The following MYO5C variants were observed in gnomAD, a reference collection of about 807,000 sequenced individuals.
The protein encoded by MYO5C is myosin VC.
MYO5C carries 194 observed loss-of-function variants against 235.7 expected under a neutral mutation model. The ratio of observed to expected loss-of-function variants is 0.82; its 90% CI spans 0.73 to 0.93. The LOEUF is 0.93. Among genes scored for constraint, MYO5C ranks in the 40% least tolerant of loss-of-function variants. The pLI is 0.00. For missense variants in MYO5C, 2,038 were observed against 2,127.2 expected (o/e 0.96, Z 0.82); for synonymous variants, 707 against 754.8 (o/e 0.94, Z 1.04).
At chr15:52,225,254 G>T in intron 26 of MYO5C, 116 bp from the exon 27 acceptor site, 1 of 1,213,252 alleles carries the variant, frequency 8.2e-7, no homozygotes, top group Non-Finnish European at 1.2e-6. Context: ...TAACTCACCA[G>T]CTATCCAATC....
In MYO5C at chr15:52,272,662, T is replaced by C. The variant is rs777995085; in HGVS notation, c.668A>G (p.Glu223Gly). The change falls in exon 6 of 41, where the codon GAA becomes GGA. Residue 223 changes from glutamate to glycine, a missense_variant. Glu to Gly is a moderately conservative substitution (Grantham distance 98, BLOSUM62 -2). Coordinates refer to ENST00000261839, the MANE Select transcript of MYO5C (RefSeq NM_018728.4). ...DNSSRFGKYT[E>G]ISFDEQNQII... is the part of the protein sequence containing the mutation. ...TTGATTTTGTTCATCAAAACTGATT[T>C]CTGTGTATTTCCCAAACCGACTACT... is the stretch of plus-strand genomic sequence containing the variant. 37 of 1,614,050 alleles carry C rather than the reference T, an allele frequency of 2.3e-5. No homozygotes were observed. Among genetic ancestry groups the C allele is most frequent in the Non-Finnish European group, 3.1e-5 (36 of 1,180,030 alleles).
chr15:52,260,307 G>C (rs182386136), intron 10 of MYO5C, among the ~76,000 whole-genome samples: 10 of 152,204 alleles, frequency 6.6e-5, no homozygotes, highest in East Asian at 3.9e-4. Context: ...ATTGGGGTAG[G>C]GGGGTGGTTG....
At chr15:52,273,729 T>C (rs1228597303) in intron 5 of MYO5C, among the ~76,000 whole-genome samples, 1 of 152,220 alleles carries the variant, frequency 6.6e-6, no homozygotes, top group Non-Finnish European at 1.5e-5. Context: ...ATAAGCCACC[T>C]GGTCAATGAC....
chr15:52,244,621 T>C (rs546643580), intron 18 of MYO5C, 54 bp from the exon 19 acceptor site: 4 of 1,324,636 alleles, frequency 3.0e-6, no homozygotes, highest in African/African-American at 1.5e-5. Flanking sequence ...TTTTCTATAA[T>C]ACAGTATTTG....
intron 36 of MYO5C, 39 bp from the exon 37 acceptor site, chr15:52,206,005 A>G: frequency 7.9e-7 from 1 of 1,257,888 alleles, no homozygotes; most frequent in Non-Finnish European, 1.1e-6. Context: ...AGAATAATAC[A>G]AACATGTAGG....
rs915870742 is a variant in MYO5C, at chr15:52,192,832, A to T, written c.*1070T>A. ...TGCTTTTTCAATCTGAGGTTGTTTT[A>T]AAAAAGTTATTGTATGAAAGGTATT... is the stretch of plus-strand genomic sequence containing the variant. On this transcript the variant is annotated 3_prime_UTR_variant, in exon 41 of 41. Transcript: ENST00000261839. The T allele has an allele frequency of 2.0e-5, 3 of 149,358 alleles. No homozygotes were observed. In the Admixed American group the frequency reaches 2.0e-4, roughly 10 times the overall value. The allele number at this position is 149,358 out of a possible 1,614,324, so 9.3% of individuals were successfully genotyped here.
chr15:52,240,558 A>G (rs1202569691), intron 20 of MYO5C, among the ~76,000 whole-genome samples: 2 of 112,572 alleles, frequency 1.8e-5, no homozygotes, highest in African/African-American at 5.5e-5. Context: ...GAAAAAGAAG[A>G]AAAAAGAAAA....
At chr15:52,285,966 G>A (rs1173470719) in intron 1 of MYO5C, among the ~76,000 whole-genome samples, 1 of 152,010 alleles carries the variant, frequency 6.6e-6, no homozygotes, top group Non-Finnish European at 1.5e-5. Context: ...CTTCCCGGCC[G>A]CCATCCCATC....
rs1050386292 is a variant in MYO5C, at chr15:52,219,758, C to T, written c.3785+1G>A. On this transcript the variant is annotated splice_donor_variant, in intron 31 of 40. Coordinates refer to ENST00000261839, the MANE Select transcript of MYO5C (RefSeq NM_018728.4). LOFTEE classifies it high-confidence loss of function. ...TGAGGTACACACATATTTACACTTA[C>T]TTTCTTTGTGTTCCTTCCTCCTCTT... The T allele has an allele frequency of 1.2e-5, 20 of 1,608,796 alleles. No individual in the cohort carries two copies. Among genetic ancestry groups the T allele is most frequent in the Non-Finnish European group, 8.5e-7 (1 of 1,175,942 alleles).
intron 1 of MYO5C, among the ~76,000 whole-genome samples, chr15:52,291,257 G>A (rs1471908001): frequency 3.9e-5 from 6 of 152,208 alleles, no homozygotes; most frequent in Non-Finnish European, 7.3e-5. Context: ...TTCACCCAGA[G>A]GAAGGTGGCC....
At chr15:52,216,213 T>C (rs935118259) in intron 32 of MYO5C, among the ~76,000 whole-genome samples, 3 of 152,094 alleles carry the variant, frequency 2.0e-5, no homozygotes, top group African/African-American at 7.2e-5. Context: ...TTATTATTAT[T>C]ATTAGTAGTA....
intron 24 of MYO5C, among the ~76,000 whole-genome samples, chr15:52,230,891 A>G (rs1459392428): frequency 2.2e-5 from 3 of 137,970 alleles, no homozygotes; most frequent in Admixed American, 1.5e-4. Flanking sequence ...GCGGTGGTGC[A>G]ATCTCAGCTC....
intron 1 of MYO5C, among the ~76,000 whole-genome samples, chr15:52,291,090 AC>A (rs1387390864): frequency 1.3e-5 from 2 of 152,166 alleles, no homozygotes; most frequent in Non-Finnish European, 2.9e-5. Flanking sequence ...ACTTGATTTG[AC>A]CCACCAGGGG....
At chr15:52,264,427 C>G in intron 8 of MYO5C, 131 bp from the exon 9 acceptor site, 3 of 689,846 alleles carry the variant, frequency 4.3e-6, no homozygotes, top group Non-Finnish European at 4.9e-6. Context: ...TGAAGTGGAC[C>G]CCAGGGGCAT....
chr15:52,257,659 A>G (rs954568446), intron 10 of MYO5C, among the ~76,000 whole-genome samples: 4 of 152,146 alleles, frequency 2.6e-5, no homozygotes, highest in Non-Finnish European at 4.4e-5. Flanking sequence ...ACACAGCCCT[A>G]TGTGAAGGGC....
At chr15:52,199,256 C>T (rs2035128758) in intron 38 of MYO5C, among the ~76,000 whole-genome samples, 1 of 152,134 alleles carries the variant, frequency 6.6e-6, no homozygotes. Flanking sequence ...CTAATTCACC[C>T]TATTCAAATA....
At chr15:52,218,137 C>T (rs1303672762) in intron 32 of MYO5C, among the ~76,000 whole-genome samples, 1 of 152,096 alleles carries the variant, frequency 6.6e-6, no homozygotes, top group Non-Finnish European at 1.5e-5. Context: ...AAGGCCATAC[C>T]CCCAGAAGAA....
At chr15:52,275,471 G>A in intron 5 of MYO5C, 91 bp downstream of exon 5, 2 of 1,504,280 alleles carry the variant, frequency 1.3e-6, no homozygotes, top group South Asian at 1.2e-5. Flanking sequence ...TCTTTAAAGG[G>A]TGGGAACTTG....
In MYO5C at chr15:52,282,829, A is replaced by G. The variant is rs766897853; in HGVS notation, c.91T>C (p.Tyr31His). The G allele has an allele frequency of 2.5e-6, 4 of 1,614,034 alleles. No individual in the cohort carries two copies. The South Asian group carries it at 4.4e-5, about 18-fold the overall frequency. ...VWKSAEIAKD[Y>H]RVGDKVLRLL... ...CGCAGGACCTTGTCACCAACTCTGT[A>G]GTCCTTGGCTATTTCAGCAGACTTC... The change falls in exon 2 of 41, where the codon TAC becomes CAC. Residue 31 changes from tyrosine to histidine, a missense_variant. By Grantham distance (83) the Tyr-to-His change is moderately conservative (BLOSUM62 2). Coordinates refer to ENST00000261839, the MANE Select transcript of MYO5C (RefSeq NM_018728.4).
Sources: gnomAD v4.1 joint callset for allele counts (sites outside exome capture counted in the v4.1 genomes callset) on GRCh38, gnomAD v4.1.1 for gene constraint, MANE v1.5 for transcripts, NCBI Gene and HGNC (gene_info 2026-07-23, HGNC 2026-07-21) for gene names.